STK32A: variants seen among roughly 807,000 people sequenced by gnomAD.
STK32A encodes the protein serine/threonine-protein kinase 32A.
In STK32A, 41 loss-of-function variants were observed where a neutral mutation model predicts 53.2. That is an observed-to-expected ratio of 0.77 (90% CI 0.60 to 1.00). The LOEUF is 1.00. Among genes scored for constraint, STK32A ranks in the 50% least tolerant of loss-of-function variants. The pLI, the probability that STK32A is intolerant of heterozygous loss-of-function variation, is 0.00. For missense variants in STK32A, 458 were observed against 485.8 expected (o/e 0.94, Z 0.54); for synonymous variants, 166 against 162.8 (o/e 1.02, Z -0.15).
At position 147,384,370 on chromosome 5, in the gene STK32A, T is replaced by C. The variant is rs2152009550; in HGVS notation, c.*387T>C. On this transcript the variant is annotated 3_prime_UTR_variant, in exon 13 of 13. Transcript: ENST00000397936. ...TTTATTTTTCCACTCCTTCTAATTA[T>C]GCAGTGACAAATGGACAAATGGACA... 1 of 1,526,886 alleles carries C rather than the reference T, an allele frequency of 6.5e-7. No homozygotes were observed. The highest frequency in any genetic ancestry group is 2.0e-5 in the Admixed American group (1 of 50,654). 94.6% of individuals were successfully genotyped at this position (1,526,886 alleles called of 1,614,324 possible).
At chr5:147,256,624 G>A (rs1404214826) in intron 2 of STK32A, among the ~76,000 whole-genome samples, 1 of 152,122 alleles carries the variant, frequency 6.6e-6, no homozygotes, top group East Asian at 1.9e-4. Flanking sequence ...CAATTCTCCT[G>A]TCTCAGCCTC....
intron 4 of STK32A, among the ~76,000 whole-genome samples, chr5:147,303,189 A>C (rs983548582): frequency 3.9e-5 from 6 of 152,224 alleles, no homozygotes; most frequent in Admixed American, 1.3e-4. Context: ...AATTAGATGC[A>C]TTATGACAGA....
At chr5:147,397,885 G>T in the STK32A span, 402 of 580,540 alleles carry the variant, frequency 6.9e-4, no homozygotes, top group Admixed American at 4.4e-3. Context: ...AGTAAGGGTA[G>T]AGAAAGAGGA....
chr5:147,357,368 T>G (rs1756296863), intron 7 of STK32A, among the ~76,000 whole-genome samples: 2 of 152,114 alleles, frequency 1.3e-5, no homozygotes, highest in Admixed American at 6.6e-5. Context: ...ACCACAGTAT[T>G]TCTTTGACTT....
chr5:147,314,721 T>C (rs66985068), intron 4 of STK32A, among the ~76,000 whole-genome samples: 43,338 of 149,472 alleles, frequency 0.29, 6,690 homozygotes, highest in African/African-American at 0.38. Flanking sequence ...TGTCATTTCA[T>C]ACCTATTGCT....
At chr5:147,395,666 A>C in the STK32A span, 1 of 1,614,114 alleles carries the variant, frequency 6.2e-7, no homozygotes, top group Non-Finnish European at 8.5e-7. Flanking sequence ...GGTGGTGGTC[A>C]GGTCAAACAC....
intron 6 of STK32A, among the ~76,000 whole-genome samples, chr5:147,347,828 G>C (rs1018235434): frequency 8.5e-5 from 13 of 152,178 alleles, no homozygotes; most frequent in African/African-American, 3.1e-4. Flanking sequence ...GGAGAAGCAA[G>C]TCATGGCTGT....
At chr5:147,369,628 A>G (rs142684279) in intron 8 of STK32A, among the ~76,000 whole-genome samples, 1 of 152,236 alleles carries the variant, frequency 6.6e-6, no homozygotes, top group Non-Finnish European at 1.5e-5. Context: ...TTACCTCTTA[A>G]CACTGATTTA....
At chr5:147,269,172 T>C (rs998165490) in intron 2 of STK32A, among the ~76,000 whole-genome samples, 1 of 152,200 alleles carries the variant, frequency 6.6e-6, no homozygotes, top group African/African-American at 2.4e-5. Flanking sequence ...ATTAGGATAA[T>C]ATATGTAACA....
intron 2 of STK32A, among the ~76,000 whole-genome samples, chr5:147,241,591 AG>A (rs989555558): frequency 2.6e-5 from 4 of 152,262 alleles, no homozygotes; most frequent in Admixed American, 2.6e-4. Flanking sequence ...CTATTTCTAC[AG>A]AATAGTTCAT....
At chr5:147,303,160 G>A (rs1383831750) in intron 4 of STK32A, among the ~76,000 whole-genome samples, 1 of 152,162 alleles carries the variant, frequency 6.6e-6, no homozygotes, top group Non-Finnish European at 1.5e-5. Flanking sequence ...GGGCTGTATA[G>A]ACGTGCTTTT....
rs189448897 is a variant in STK32A at position 147,262,466 on chromosome 5, C to T, written c.53-15658C>T. On this transcript the variant is annotated intron_variant, in intron 2 of 12. Coordinates refer to ENST00000397936, the MANE Select transcript of STK32A (RefSeq NM_001112724.2). The stretch of plus-strand genomic sequence containing the variant: ...TTCATCCTTCAAAGAACAAAAATAG[C>T]CCCCATTTATTGAGTGCCTACTAAA... Among the ~76,000 whole-genome samples the T allele has an allele frequency of 2.4e-3, 368 of 152,172 alleles. 1 individual carries two copies. Among genetic ancestry groups the T allele is most frequent in the African/African-American group, 8.5e-3 (351 of 41,514 alleles).
intron 2 of STK32A, 146 bp from the exon 3 acceptor site, chr5:147,277,978 T>C (rs1751845996): frequency 3.0e-6 from 2 of 668,268 alleles, no homozygotes; most frequent in Non-Finnish European, 5.3e-6. Flanking sequence ...CAACAGATGT[T>C]TACTGGATGA....
intron 4 of STK32A, among the ~76,000 whole-genome samples, chr5:147,300,988 G>A (rs1421229949): frequency 6.6e-6 from 1 of 152,174 alleles, no homozygotes; most frequent in East Asian, 1.9e-4. Flanking sequence ...AAGGTTCACT[G>A]AGAATCAACT....
At chr5:147,274,989 C>T (rs945120865) in intron 2 of STK32A, among the ~76,000 whole-genome samples, 1 of 152,084 alleles carries the variant, frequency 6.6e-6, no homozygotes. Context: ...TAATCCTATA[C>T]AAATTCAAAA....
At chr5:147,257,365 T>C (rs1410325675) in intron 2 of STK32A, among the ~76,000 whole-genome samples, 4 of 152,038 alleles carry the variant, frequency 2.6e-5, no homozygotes, top group African/African-American at 7.2e-5. Context: ...GGCACAGAGG[T>C]ATTTTTTCTG....
intron 7 of STK32A, among the ~76,000 whole-genome samples, chr5:147,356,484 T>C (rs1005492408): frequency 2.6e-5 from 4 of 152,180 alleles, no homozygotes; most frequent in Non-Finnish European, 5.9e-5. Flanking sequence ...ACTTGTTGAC[T>C]GTGAAGCTGG....
At chr5:147,299,649 T>G (rs1753033831) in intron 4 of STK32A, among the ~76,000 whole-genome samples, 1 of 152,108 alleles carries the variant, frequency 6.6e-6, no homozygotes, top group African/African-American at 2.4e-5. Context: ...AGTATAGCAT[T>G]TATTGGGGCT....
chr5:147,369,820 T>C (rs1756927014), intron 8 of STK32A, among the ~76,000 whole-genome samples: 1 of 152,150 alleles, frequency 6.6e-6, no homozygotes, highest in Admixed American at 6.6e-5. Context: ...ATTGTGCACC[T>C]ACTGAATGCT....
Sources: allele counts gnomAD v4.1 joint callset (sites outside exome capture counted in the v4.1 genomes callset), GRCh38; gene constraint gnomAD v4.1.1; transcripts MANE v1.5; gene names NCBI Gene and HGNC (gene_info 2026-07-23, HGNC 2026-07-21).